The following FGF14 variants were observed in gnomAD, a reference collection of about 807,000 sequenced individuals.
FGF14 encodes the protein fibroblast growth factor homologous factor 4.
In FGF14, 5 loss-of-function variants were observed where a neutral mutation model predicts 25.5. The ratio of observed to expected loss-of-function variants is 0.20; its 90% confidence interval spans 0.10 to 0.41. The LOEUF is 0.41. Ranked by LOEUF, FGF14 falls within the 10% of genes least tolerant of loss-of-function variation. The pLI, the probability that FGF14 is intolerant of heterozygous loss-of-function variation, is 1.00. For missense variants in FGF14, 222 were observed against 320.1 expected, an observed-to-expected ratio of 0.69 and a Z score of 2.34; for synonymous variants, 138 against 118.3, an observed-to-expected ratio of 1.17 and a Z score of -1.08.
chr13:101,918,026 G>C (rs1439524526), upstream of FGF14, among the ~76,000 whole-genome samples: 1 of 152,102 alleles, frequency 6.6e-6, no homozygotes, highest in Non-Finnish European at 1.5e-5. Context: ...GGTGTCCCTG[G>C]GCAAAGAAGC....
chr13:101,714,391 AC>A lies in FGF14; in HGVS notation c.*8439del, dbSNP rs1197167077. The A allele has an allele frequency of 9.4e-7, 1 of 1,059,474 alleles. No homozygotes were observed. The highest frequency in any genetic ancestry group is 1.6e-5 in the African/African-American group (1 of 64,160). The allele number at this position is 1,059,474 out of a possible 1,614,324, so 65.6% of individuals were successfully genotyped here. A position where few individuals can be genotyped will look rare whatever the true frequency, so the allele number is the denominator to read the frequency against. On this transcript the variant is annotated 3_prime_UTR_variant, in exon 5 of 5. Coordinates refer to ENST00000376143, the MANE Select transcript of FGF14 (RefSeq NM_004115.4). ...CAACGATATTCTATTCGAGATGGAAACCTTTAGTTATAAGGTGATGGTGAGT... is the reference window on the plus strand; with the variant it reads ...CAACGATATTCTATTCGAGATGGAAACTTTAGTTATAAGGTGATGGTGAGT...
chr13:101,767,085 TAAA>T (rs2038452822), intron 3 of FGF14, among the ~76,000 whole-genome samples: 2 of 152,210 alleles, frequency 1.3e-5, no homozygotes, highest in South Asian at 4.1e-4. Context: ...AACAATAAAA[TAAA>T]AGCTCTCCTC....
chr13:102,358,448 A>C (rs1425564569), intron 1 of FGF14, among the ~76,000 whole-genome samples: 2 of 152,198 alleles, frequency 1.3e-5, no homozygotes, highest in East Asian at 3.9e-4. Flanking sequence ...AGGAGGACTG[A>C]AAACAGTTTG....
chr13:102,345,903 A>G (rs193190215), intron 1 of FGF14, among the ~76,000 whole-genome samples: 1 of 152,224 alleles, frequency 6.6e-6, no homozygotes, highest in Non-Finnish European at 1.5e-5. Context: ...CCAATTAATA[A>G]CATTAATCAA....
At chr13:102,180,438 G>A (rs533144551) in intron 1 of FGF14, among the ~76,000 whole-genome samples, 5 of 151,884 alleles carry the variant, frequency 3.3e-5, no homozygotes, top group African/African-American at 9.7e-5. Flanking sequence ...TCAGCCTCCC[G>A]AGTAGCTGGG....
chr13:102,161,630 A>G (rs867777370), intron 1 of FGF14, among the ~76,000 whole-genome samples: 521 of 8,262 alleles, frequency 0.063, 17 homozygotes, highest in Middle Eastern at 0.083. Context: ...AAGAAGAAGA[A>G]GAAGAAGAAG....
chr13:102,352,567 C>G (rs2057314511), intron 1 of FGF14, among the ~76,000 whole-genome samples: 1 of 152,082 alleles, frequency 6.6e-6, no homozygotes, highest in Admixed American at 6.5e-5. Flanking sequence ...AATCCCAGCA[C>G]GTTGGGAGGC....
intron 1 of FGF14, among the ~76,000 whole-genome samples, chr13:101,880,095 T>C (rs1448225976): frequency 6.6e-6 from 1 of 152,094 alleles, no homozygotes; most frequent in East Asian, 1.9e-4. Context: ...GAGAACCCCT[T>C]CCCTCTAGGA....
chr13:101,779,469 C>T (rs548176132), intron 3 of FGF14, among the ~76,000 whole-genome samples: 3 of 152,134 alleles, frequency 2.0e-5, no homozygotes, highest in Non-Finnish European at 2.9e-5. Flanking sequence ...AATATTTCAG[C>T]GACTAAGGCA....
At chr13:102,077,569 A>G (rs928740314) in intron 1 of FGF14, among the ~76,000 whole-genome samples, 1 of 152,216 alleles carries the variant, frequency 6.6e-6, no homozygotes, top group African/African-American at 2.4e-5. Flanking sequence ...AGGAAAATGC[A>G]AACTAAAATC....
chr13:102,296,995 C>A (rs192780526), intron 1 of FGF14, among the ~76,000 whole-genome samples: 1,607 of 150,698 alleles, frequency 0.011, 29 homozygotes, highest in African/African-American at 0.036. Flanking sequence ...ATCATTTAAT[C>A]AACAACAACA....
chr13:101,777,785 A>G (rs2039220643), intron 3 of FGF14, among the ~76,000 whole-genome samples: 1 of 152,150 alleles, frequency 6.6e-6, no homozygotes, highest in South Asian at 2.1e-4. Context: ...AACATGGTGA[A>G]ACCCCATCTC....
At chr13:102,304,436 A>G (rs777085484) in intron 1 of FGF14, among the ~76,000 whole-genome samples, 1 of 152,152 alleles carries the variant, frequency 6.6e-6, no homozygotes, top group Non-Finnish European at 1.5e-5. Flanking sequence ...TCAACCCTAA[A>G]TACATTGAAA....
chr13:102,151,434 G>T (rs143829924), intron 1 of FGF14, among the ~76,000 whole-genome samples: 1 of 152,120 alleles, frequency 6.6e-6, no homozygotes, highest in African/African-American at 2.4e-5. Context: ...CTCCCAAAAC[G>T]AGAGTACTTA....
intron 1 of FGF14, among the ~76,000 whole-genome samples, chr13:102,198,519 A>G (rs1224926300): frequency 6.6e-6 from 1 of 152,224 alleles, no homozygotes. Context: ...AGGAAGGCGT[A>G]GGAGACTGAA....
rs560076316 is a variant in FGF14 at position 101,811,539 on chromosome 13, T to C, written c.408+57186A>G. Reference sequence around the variant, plus strand: ...AAAGTGCATGTTGGTTGCTTCCATGTTTTGGGAATTATGAATAAAGCTGCT... The same window carrying C: ...AAAGTGCATGTTGGTTGCTTCCATGCTTTGGGAATTATGAATAAAGCTGCT... On this transcript the variant is annotated intron_variant, in intron 3 of 4. Coordinates refer to ENST00000376143, the MANE Select transcript of FGF14 (RefSeq NM_004115.4). Among the ~76,000 whole-genome samples, 5 of 152,360 alleles carry C rather than the reference T, an allele frequency of 3.3e-5. No homozygotes were observed. The South Asian group carries it at 1.0e-3, about 32-fold the overall frequency.
intron 1 of FGF14, among the ~76,000 whole-genome samples, chr13:102,156,573 T>C (rs897757710): frequency 2.6e-5 from 4 of 152,162 alleles, no homozygotes; most frequent in Admixed American, 2.0e-4. Context: ...GAACAAAAAC[T>C]GGAAGCATTC....
chr13:102,378,865 C>CA, intron 1 of FGF14, among the ~76,000 whole-genome samples: 1 of 152,028 alleles, frequency 6.6e-6, no homozygotes, highest in African/African-American at 2.4e-5. Context: ...CAAAGTAAGA[C>CA]AATGAAAACA....
At chr13:101,898,745 C>T (rs1324145024) in intron 1 of FGF14, among the ~76,000 whole-genome samples, 1 of 152,088 alleles carries the variant, frequency 6.6e-6, no homozygotes, top group African/African-American at 2.4e-5. Flanking sequence ...ATAAGACCAA[C>T]ACTCCTACCA....
Sources: gnomAD v4.1 joint callset for allele counts (sites outside exome capture counted in the v4.1 genomes callset) on GRCh38, gnomAD v4.1.1 for gene constraint, MANE v1.5 for transcripts, NCBI Gene and HGNC (gene_info 2026-07-23, HGNC 2026-07-21) for gene names.